TBC1D32: variants seen among roughly 807,000 people sequenced by gnomAD.
TBC1D32 encodes the protein protein broad-minded.
In TBC1D32, 151 loss-of-function variants were observed where a neutral mutation model predicts 170.3. The ratio of observed to expected loss-of-function variants is 0.89; its 90% confidence interval spans 0.78 to 1.01. TBC1D32 has a LOEUF of 1.01. Ranked by LOEUF, TBC1D32 falls within the 50% of genes least tolerant of loss-of-function variation. The probability of loss-of-function intolerance (pLI) is 0.00; values close to 1 mark genes in which losing one functional copy is unlikely to be tolerated. For synonymous variants in TBC1D32, 498 were observed against 488.0 expected, an observed-to-expected ratio of 1.02 and a Z score of -0.27; for missense variants, 1,464 against 1,457.1, an observed-to-expected ratio of 1.00 and a Z score of -0.08.
At chr6:121,290,867 A>G (rs148169674) in intron 12 of TBC1D32, among the ~76,000 whole-genome samples, 4,930 of 152,142 alleles carry the variant, frequency 0.032, 192 homozygotes, top group East Asian at 0.12. Context: ...AGATGAAGCT[A>G]GAAACCATCA....
At chr6:121,253,682 G>A (rs1167651319) in intron 17 of TBC1D32, among the ~76,000 whole-genome samples, 2 of 152,010 alleles carry the variant, frequency 1.3e-5, no homozygotes, top group Non-Finnish European at 2.9e-5. Flanking sequence ...TCACTCCACT[G>A]CACTCCAGCC....
intron 30 of TBC1D32, among the ~76,000 whole-genome samples, chr6:121,102,983 C>A (rs1473720732): frequency 5.3e-5 from 8 of 151,948 alleles, no homozygotes; most frequent in Non-Finnish European, 1.0e-4. Flanking sequence ...ACATGAAAAA[C>A]TGCTCATCAT....
chr6:121,126,345 TCTTTTTCAAA>T (rs896338309), intron 26 of TBC1D32, 23 bp downstream of exon 26: 3 of 1,493,792 alleles, frequency 2.0e-6, no homozygotes, highest in Non-Finnish European at 9.2e-7. Flanking sequence ...ACATACTGAG[TCTTTTTCAAA>T]CTTCACAATG....
intron 17 of TBC1D32, 111 bp downstream of exon 17, chr6:121,255,215 TAC>T: frequency 3.8e-6 from 2 of 526,260 alleles, no homozygotes; most frequent in South Asian, 5.6e-5. Flanking sequence ...GCTGTATATA[TAC>T]ATTTACCATC....
chr6:121,117,255 A>T (rs1055733844), intron 26 of TBC1D32, among the ~76,000 whole-genome samples: 1 of 152,240 alleles, frequency 6.6e-6, no homozygotes, highest in Non-Finnish European at 1.5e-5. Context: ...CAAAACAAAC[A>T]TCGAACATCC....
chr6:121,173,249 C>T (rs1787314247), intron 22 of TBC1D32, among the ~76,000 whole-genome samples: 1 of 152,086 alleles, frequency 6.6e-6, no homozygotes, highest in Admixed American at 6.5e-5. Context: ...TTTTGGCCTC[C>T]AACATTGAAC....
chr6:121,232,791 T>C (rs1438018301), intron 20 of TBC1D32, among the ~76,000 whole-genome samples: 1 of 152,142 alleles, frequency 6.6e-6, no homozygotes, highest in African/African-American at 2.4e-5. Flanking sequence ...GTTTCTCTAG[T>C]TCCATGAGTT....
At chr6:121,231,409 T>C (rs1795722412) in intron 20 of TBC1D32, among the ~76,000 whole-genome samples, 1 of 152,212 alleles carries the variant, frequency 6.6e-6, no homozygotes, top group Admixed American at 6.5e-5. Context: ...TTTTGTATAA[T>C]GACTTCTTTT....
intron 21 of TBC1D32, among the ~76,000 whole-genome samples, chr6:121,207,410 T>C (rs967997151): frequency 6.6e-6 from 1 of 151,654 alleles, no homozygotes; most frequent in African/African-American, 2.4e-5. Flanking sequence ...ATAAAAATGA[T>C]AGACTGTATT....
At position 121,255,387 on chromosome 6, in the gene TBC1D32, A is replaced by T. The variant is rs1469601546; in HGVS notation, c.1959T>A (p.Ile653=). The T allele has an allele frequency of 1.3e-6, 2 of 1,505,112 alleles. No individual in the cohort carries two copies. Among genetic ancestry groups the T allele is most frequent in the Non-Finnish European group, 1.8e-6 (2 of 1,130,886 alleles). The allele number at this position is 1,505,112 out of a possible 1,614,324, so 93.2% of individuals were successfully genotyped here. The change falls in exon 17 of 32, where the codon ATT becomes ATA. Residue 653 remains isoleucine, a synonymous_variant. Transcript: ENST00000398212. ...AATCAGAACCCTCTACTGGAGTAGG[A>T]ATTCTTTCTGATAGCAAACTTGTCT... ...WKKTSLLSER[I]PTPVEGSDSV... is the part of the protein sequence containing the mutation.
intron 20 of TBC1D32, 82 bp from the exon 21 acceptor site, chr6:121,223,434 C>T: frequency 1.1e-6 from 1 of 918,516 alleles, no homozygotes; most frequent in Non-Finnish European, 1.7e-6. Flanking sequence ...AGTTTCCTAT[C>T]TGTATGACTT....
At chr6:121,204,438 T>C (rs981371154) in intron 22 of TBC1D32, among the ~76,000 whole-genome samples, 1 of 151,236 alleles carries the variant, frequency 6.6e-6, no homozygotes, top group Non-Finnish European at 1.5e-5. Context: ...AGAAAAATCA[T>C]GAAACTATGA....
At chr6:121,272,902 A>T (rs1193801576) in intron 15 of TBC1D32, among the ~76,000 whole-genome samples, 1 of 152,252 alleles carries the variant, frequency 6.6e-6, no homozygotes, top group East Asian at 1.9e-4. Context: ...AATGTGGCAC[A>T]TATACACCAT....
intron 20 of TBC1D32, among the ~76,000 whole-genome samples, chr6:121,235,156 A>G (rs1200201749): frequency 6.6e-6 from 1 of 152,006 alleles, no homozygotes; most frequent in African/African-American, 2.4e-5. Context: ...GTTTTTGTTT[A>G]GTGTGCTGGT....
Position 121,176,017 on chromosome 6 carries a change from A to G in TBC1D32, c.2571-14961T>C, listed in dbSNP as rs1391754029. Reference sequence around the variant, plus strand: ...CCTACTACTGTTTTAAATGTTGGCAATTCGCCAATAAACACACATACATAC... The same window carrying G: ...CCTACTACTGTTTTAAATGTTGGCAGTTCGCCAATAAACACACATACATAC... On this transcript the variant is annotated intron_variant, in intron 22 of 31. Coordinates refer to ENST00000398212, the MANE Select transcript of TBC1D32 (RefSeq NM_152730.6). Among the ~76,000 whole-genome samples the G allele has an allele frequency of 2.6e-5, 4 of 152,238 alleles. No homozygotes were observed. In the East Asian group the frequency reaches 7.7e-4, roughly 29 times the overall value.
intron 19 of TBC1D32, among the ~76,000 whole-genome samples, 190 bp downstream of exon 19, chr6:121,241,275 G>A (rs542730382): frequency 1.4e-4 from 21 of 152,204 alleles, no homozygotes; most frequent in South Asian, 6.2e-4. Flanking sequence ...ACACAAAACC[G>A]TATTGGAATT....
intron 3 of TBC1D32, among the ~76,000 whole-genome samples, chr6:121,313,647 G>T (rs1244846035): frequency 6.6e-6 from 1 of 152,062 alleles, no homozygotes; most frequent in Admixed American, 6.6e-5. Flanking sequence ...ATTCTGCAGA[G>T]ATTTTTAAGA....
intron 20 of TBC1D32, among the ~76,000 whole-genome samples, chr6:121,235,441 G>A (rs913409661): frequency 4.6e-5 from 7 of 152,242 alleles, no homozygotes; most frequent in Admixed American, 3.3e-4. Context: ...GTGGGGGATG[G>A]GTGAGTGGTT....
At chr6:121,112,782 CTT>C in intron 28 of TBC1D32, 123 bp from the exon 29 acceptor site, 1 of 957,566 alleles carries the variant, frequency 1.0e-6, no homozygotes, top group Non-Finnish European at 1.4e-6. Flanking sequence ...ATTTATGAAA[CTT>C]AGTTTTTAAA....
Sources: gnomAD v4.1 joint callset for allele counts (sites outside exome capture counted in the v4.1 genomes callset) on GRCh38, gnomAD v4.1.1 for gene constraint, MANE v1.5 for transcripts, NCBI Gene and HGNC (gene_info 2026-07-23, HGNC 2026-07-21) for gene names.